VDR: variants seen among roughly 807,000 people sequenced by gnomAD.
VDR encodes the protein vitamin D receptor.
A neutral mutation model predicts 39.7 loss-of-function variants in VDR; 19 were observed. The ratio of observed to expected loss-of-function variants is 0.48; its 90% CI spans 0.33 to 0.70. VDR has a LOEUF of 0.70. Among genes scored for constraint, VDR ranks in the 30% least tolerant of loss-of-function variants. VDR has a pLI of 0.02. For missense variants in VDR, 442 were observed against 570.5 expected (o/e 0.77, Z 2.29); for synonymous variants, 242 against 215.8 (o/e 1.12, Z -1.07).
At chr12:47,850,775 CG>C (rs1945369668) in intron 7 of VDR, among the ~76,000 whole-genome samples, 3 of 152,114 alleles carry the variant, frequency 2.0e-5, no homozygotes, top group Non-Finnish European at 2.9e-5. Flanking sequence ...TCTGTCTTCA[CG>C]CCTGCAGCCG....
chr12:47,871,589 G>A (rs1012395170), intron 3 of VDR, among the ~76,000 whole-genome samples: 2 of 151,166 alleles, frequency 1.3e-5, no homozygotes, highest in Non-Finnish European at 2.9e-5. Context: ...TCAGCCTCCC[G>A]AGTAGCTGGA....
At chr12:47,859,981 T>G (rs1252438694) in intron 4 of VDR, among the ~76,000 whole-genome samples, 1 of 145,974 alleles carries the variant, frequency 6.9e-6, no homozygotes, top group African/African-American at 2.5e-5. Flanking sequence ...CTTTCTTTCT[T>G]TCACAGACTC....
chr12:47,877,869 A>G (rs576693999), intron 3 of VDR, among the ~76,000 whole-genome samples: 1 of 152,352 alleles, frequency 6.6e-6, no homozygotes, highest in Non-Finnish European at 1.5e-5. Context: ...CAAACAGGCA[A>G]TTAGCACCCA....
intron 1 of VDR, among the ~76,000 whole-genome samples, chr12:47,896,172 G>A (rs1006800498): frequency 3.3e-5 from 5 of 152,248 alleles, no homozygotes; most frequent in African/African-American, 4.8e-5. Flanking sequence ...AGATAATCAC[G>A]TCAAGTGCTC....
chr12:47,877,909 A>G (rs1409308285), intron 3 of VDR, among the ~76,000 whole-genome samples: 2 of 152,218 alleles, frequency 1.3e-5, no homozygotes, highest in African/African-American at 4.8e-5. Flanking sequence ...CAATTGCTCA[A>G]GGCCATGAAA....
chr12:47,855,820 GAGA>G lies in VDR; in HGVS notation c.584-22_584-20del, dbSNP rs746287179. The G allele has an allele frequency of 5.0e-6, 8 of 1,612,884 alleles. No homozygotes were observed. In the African/African-American group the frequency reaches 1.1e-4, roughly 22 times the overall value. ...ATCATGTCTGGGAGAGATGAGGGAA[GAGA>G]AGGAGCTATTTAAGGATACTTGGAC... is the stretch of plus-strand genomic sequence containing the variant. On this transcript the variant is annotated intron_variant, in intron 6 of 9. Transcript: ENST00000549336.
chr12:47,891,444 G>A (rs1403803655), intron 1 of VDR, among the ~76,000 whole-genome samples: 1 of 152,216 alleles, frequency 6.6e-6, no homozygotes, highest in African/African-American at 2.4e-5. Context: ...GAGAGGTGCT[G>A]TGAAGGGCAG....
At position 47,855,816 on chromosome 12, in the gene VDR, G is replaced by A. The variant is rs766722407; in HGVS notation, c.584-15C>T. On this transcript the variant is annotated splice_polypyrimidine_tract_variant and intron_variant, in intron 6 of 9. Transcript: ENST00000549336. ...GTCCATCATGTCTGGGAGAGATGAG[G>A]GAAGAGAAGGAGCTATTTAAGGATA... 5.6e-6 allele frequency: 9 copies of A among 1,613,128 alleles called. No individual in the cohort carries two copies. In the South Asian group the frequency reaches 9.9e-5, roughly 18 times the overall value.
chr12:47,861,692 G>A (rs1365387176), intron 4 of VDR, among the ~76,000 whole-genome samples: 1 of 152,120 alleles, frequency 6.6e-6, no homozygotes, highest in Non-Finnish European at 1.5e-5. Flanking sequence ...AAGTGCATGA[G>A]TTTTGGCATG....
At chr12:47,862,579 A>G (rs1199875735) in intron 4 of VDR, among the ~76,000 whole-genome samples, 1 of 152,268 alleles carries the variant, frequency 6.6e-6, no homozygotes, top group East Asian at 1.9e-4. Context: ...TGGTCAATAC[A>G]CAGGGTTTCT....
chr12:47,865,161 T>A lies in VDR; in HGVS notation c.163A>T (p.Lys55Ter). Residue 55 changes from lysine (K) to a stop codon, truncating the protein, a stop_gained, in exon 4 of 10, where the codon AAG becomes TAG. Transcript: ENST00000549336. LOFTEE classifies it high-confidence loss of function. The stretch of plus-strand genomic sequence containing the variant: ...TTGAAGGGGCAGGTGAATAGTGCCT[T>A]CCGCTTCATGCTTCGCCTGCCGAGA... ...KGFFRRSMKR[K>*]ALFTCPFNGD... 6.2e-7 allele frequency: 1 copy of A among 1,612,842 alleles called. No individual in the cohort carries two copies. The highest frequency in any genetic ancestry group is 8.5e-7 in the Non-Finnish European group (1 of 1,179,314).
chr12:47,869,073 C>T (rs992966074), intron 3 of VDR, among the ~76,000 whole-genome samples: 1 of 152,156 alleles, frequency 6.6e-6, no homozygotes, highest in Admixed American at 6.5e-5. Flanking sequence ...TTGGGGGCAG[C>T]CCCCCCAGCT....
chr12:47,894,726 C>A (rs1387086276), intron 1 of VDR, among the ~76,000 whole-genome samples: 1 of 152,328 alleles, frequency 6.6e-6, no homozygotes, highest in African/African-American at 2.4e-5. Flanking sequence ...GAGTGACAGG[C>A]AGGGTGGGGC....
intron 3 of VDR, among the ~76,000 whole-genome samples, chr12:47,876,037 A>C (rs1945994168): frequency 6.6e-6 from 1 of 152,176 alleles, no homozygotes; most frequent in African/African-American, 2.4e-5. Flanking sequence ...AAAGGCAAAA[A>C]ATGTAGCACT....
At chr12:47,873,412 G>C (rs1945930115) in intron 3 of VDR, among the ~76,000 whole-genome samples, 1 of 132,776 alleles carries the variant, frequency 7.5e-6, no homozygotes, top group Non-Finnish European at 1.6e-5. Context: ...CCACGCTGGA[G>C]TGCAGTGGCG....
chr12:47,875,753 C>G (rs1247609430), intron 3 of VDR, among the ~76,000 whole-genome samples: 1 of 152,166 alleles, frequency 6.6e-6, no homozygotes, highest in Non-Finnish European at 1.5e-5. Flanking sequence ...TTTCTGCAAG[C>G]CTCTGGTCAC....
At chr12:47,884,275 T>C (rs1946214465) in intron 1 of VDR, among the ~76,000 whole-genome samples, 1 of 152,230 alleles carries the variant, frequency 6.6e-6, no homozygotes, top group Admixed American at 6.5e-5. Flanking sequence ...GAGTATTTAC[T>C]ACATGCCAGG....
At chr12:47,899,943 G>A in intron 1 of VDR, 2 of 985,602 alleles carry the variant, frequency 2.0e-6, no homozygotes, top group African/African-American at 1.7e-5. Context: ...GTCCAGCTGG[G>A]CTAGGTTCAG....
chr12:47,863,982 AT>A (rs1480715656), intron 4 of VDR, among the ~76,000 whole-genome samples: 1 of 151,848 alleles, frequency 6.6e-6, no homozygotes, highest in Non-Finnish European at 1.5e-5. Context: ...ACCTCTCCCC[AT>A]CCCCAACCAC....
Sources: gnomAD v4.1 joint callset for allele counts (sites outside exome capture counted in the v4.1 genomes callset) on GRCh38, gnomAD v4.1.1 for gene constraint, MANE v1.5 for transcripts, NCBI Gene and HGNC (gene_info 2026-07-23, HGNC 2026-07-21) for gene names.